RBM45: variants seen among roughly 807,000 people sequenced by gnomAD.
The protein encoded by RBM45 is RNA binding motif protein 45, also known as RNA-binding protein 45.
RBM45 carries 39 observed loss-of-function variants against 58.5 expected under a neutral mutation model. The ratio of observed to expected loss-of-function variants is 0.67; its 90% confidence interval spans 0.52 to 0.87. The LOEUF (loss-of-function observed/expected upper bound fraction) is 0.87. Ranked by LOEUF, RBM45 falls within the 40% of genes least tolerant of loss-of-function variation. The pLI, the probability that RBM45 is intolerant of heterozygous loss-of-function variation, is 0.00. For missense variants in RBM45, 481 were observed against 581.6 expected, an observed-to-expected ratio of 0.83 and a Z score of 1.78; for synonymous variants, 193 against 203.0, an observed-to-expected ratio of 0.95 and a Z score of 0.42.
chr2:178,125,387 G>A (rs2087915171), intron 8 of RBM45, among the ~76,000 whole-genome samples: 1 of 152,170 alleles, frequency 6.6e-6, no homozygotes, highest in Non-Finnish European at 1.5e-5. Context: ...TACAAAGGAG[G>A]AGCAGTTACC....
At chr2:178,132,885 G>A (rs547989141), downstream of RBM45, among the ~76,000 whole-genome samples, 1 of 152,298 alleles carries the variant, frequency 6.6e-6, no homozygotes, top group South Asian at 2.1e-4. Context: ...ACTGCACCCA[G>A]CCAAAACTGT....
intron 7 of RBM45, 34 bp downstream of exon 7, chr2:178,123,946 T>A (rs931535499): frequency 7.7e-6 from 12 of 1,552,894 alleles, no homozygotes; most frequent in Non-Finnish European, 7.1e-6. Context: ...TTATAATATA[T>A]CAATAGCATA....
intron 2 of RBM45, 58 bp from the exon 3 acceptor site, chr2:178,117,997 A>T (rs1270945173): frequency 2.1e-6 from 3 of 1,425,480 alleles, no homozygotes; most frequent in Non-Finnish European, 2.8e-6. Context: ...TTTAGTTCTG[A>T]AATACTCTGT....
intron 4 of RBM45, 97 bp downstream of exon 4, chr2:178,120,506 C>A: frequency 9.2e-7 from 1 of 1,083,154 alleles, no homozygotes; most frequent in Non-Finnish European, 1.3e-6. Flanking sequence ...CTATAAATTT[C>A]ACCTAGTGAA....
Position 178,120,190 on chromosome 2 carries a change from A to G in RBM45, c.551-97A>G, listed in dbSNP as rs2087830198. On this transcript the variant is annotated intron_variant, in intron 3 of 9. Coordinates refer to ENST00000286070, the MANE Select transcript of RBM45 (RefSeq NM_152945.4). Reference sequence around the variant, plus strand: ...CATTGTATAGATTTTGCTTTGTACAATTATATTTATAAAGCTGAGTCAGGC... The same window carrying G: ...CATTGTATAGATTTTGCTTTGTACAGTTATATTTATAAAGCTGAGTCAGGC... 5.3e-6 allele frequency: 8 copies of G among 1,514,336 alleles called. No homozygotes were observed. The South Asian group carries it at 8.3e-5, about 16-fold the overall frequency. 93.8% of individuals were successfully genotyped at this position (1,514,336 alleles called of 1,614,324 possible). A position where few individuals can be genotyped will look rare whatever the true frequency, so the allele number is the denominator to read the frequency against.
Position 178,129,540 on chromosome 2 carries a change from A to T in RBM45, c.*152A>T, listed in dbSNP as rs2087982519. On this transcript the variant is annotated 3_prime_UTR_variant, in exon 10 of 10. Coordinates refer to ENST00000286070, the MANE Select transcript of RBM45 (RefSeq NM_152945.4). ...GCATTGTTTTGTCTGGGAAGCAGGG[A>T]TTGCTGACATGTATTTTTGAATCCA... 2.0e-5 allele frequency: 3 copies of T among 152,482 alleles called. No individual in the cohort carries two copies. The highest frequency in any genetic ancestry group is 7.2e-5 in the African/African-American group (3 of 41,410). 9.4% of individuals were successfully genotyped at this position (152,482 alleles called of 1,614,324 possible).
chr2:178,119,177 T>C (rs1011741786), intron 3 of RBM45, among the ~76,000 whole-genome samples: 1 of 152,160 alleles, frequency 6.6e-6, no homozygotes. Flanking sequence ...TTTATTAAGC[T>C]CTCTATAAAA....
chr2:178,133,292 T>C (rs918319950), downstream of RBM45, among the ~76,000 whole-genome samples: 1 of 152,264 alleles, frequency 6.6e-6, no homozygotes, highest in Non-Finnish European at 1.5e-5. Context: ...AGTAATTGTT[T>C]ATGCCATTCA....
At chr2:178,116,110 C>A in intron 1 of RBM45, 152 bp from the exon 2 acceptor site, 2 of 896,732 alleles carry the variant, frequency 2.2e-6, no homozygotes, top group South Asian at 1.9e-5. Flanking sequence ...CATGATCACA[C>A]CACTGCACTG....
chr2:178,118,156 C>T lies in RBM45; in HGVS notation c.525C>T (p.Ala175=). 6.2e-7 allele frequency: 1 copy of T among 1,611,092 alleles called. No homozygotes were observed. Among genetic ancestry groups the T allele is most frequent in the Non-Finnish European group, 8.5e-7 (1 of 1,178,298 alleles). ...YVRYLKPSQA[A]QAIENCDRSF... Reference sequence around the variant, plus strand: ...GATACTTAAAACCATCACAAGCTGCCCAAGCAATAGAAAACTGTGATCGAA... The same window carrying T: ...GATACTTAAAACCATCACAAGCTGCTCAAGCAATAGAAAACTGTGATCGAA... The change falls in exon 3 of 10, where the codon GCC becomes GCT. Residue 175 remains alanine, a synonymous_variant. Transcript: ENST00000286070.
chr2:178,122,559 C>T (rs1268736343), intron 5 of RBM45, among the ~76,000 whole-genome samples: 1 of 152,106 alleles, frequency 6.6e-6, no homozygotes, highest in Admixed American at 6.6e-5. Flanking sequence ...TGTTCTCTGG[C>T]ACATTTGTTA....
At chr2:178,125,670 G>T (rs1188670556) in intron 8 of RBM45, 2 of 516,096 alleles carry the variant, frequency 3.9e-6, no homozygotes, top group African/African-American at 3.9e-5. Context: ...GACTTTTAGG[G>T]AGTAAATGAT....
chr2:178,130,426 G>A (rs1470463174), downstream of RBM45, among the ~76,000 whole-genome samples: 1 of 152,118 alleles, frequency 6.6e-6, no homozygotes, highest in Non-Finnish European at 1.5e-5. Flanking sequence ...TCAGAAAGCT[G>A]AAGCGGAAGG....
chr2:178,138,264 C>T (rs1238575675), exon 4 of RBM45: 4 of 152,102 alleles, frequency 2.6e-5, no homozygotes, highest in African/African-American at 7.2e-5. Flanking sequence ...AAAGGATTCT[C>T]TGCAGCTTAA....
At chr2:178,138,956 G>C (rs1236462855) in exon 4 of RBM45, 3 of 150,718 alleles carry the variant, frequency 2.0e-5, no homozygotes, top group Non-Finnish European at 4.4e-5. Context: ...TTAAATGTAA[G>C]ATTAAGAATC....
At chr2:178,131,683 G>T (rs1000052194), downstream of RBM45, among the ~76,000 whole-genome samples, 2 of 152,154 alleles carry the variant, frequency 1.3e-5, no homozygotes, top group African/African-American at 4.8e-5. Context: ...AAAACACTTT[G>T]CTTTTTCAGT....
chr2:178,113,325 G>GTC (rs2087730410), intron 1 of RBM45, among the ~76,000 whole-genome samples: 1 of 133,058 alleles, frequency 7.5e-6, no homozygotes, highest in Non-Finnish European at 1.6e-5. Flanking sequence ...AACTGGGGAG[G>GTC]GACCTCTGGT....
intron 9 of RBM45, among the ~76,000 whole-genome samples, chr2:178,128,529 A>G (rs1184835802): frequency 6.6e-6 from 1 of 152,228 alleles, no homozygotes; most frequent in African/African-American, 2.4e-5. Context: ...TACTGTGAGA[A>G]CTAAGCTTTA....
chr2:178,117,639 C>T (rs2087794088), intron 2 of RBM45, among the ~76,000 whole-genome samples: 1 of 152,146 alleles, frequency 6.6e-6, no homozygotes, highest in Admixed American at 6.5e-5. Flanking sequence ...TCAGTTAACC[C>T]TTAAACAACC....
Sources: gnomAD v4.1 joint callset for allele counts (sites outside exome capture counted in the v4.1 genomes callset) on GRCh38, gnomAD v4.1.1 for gene constraint, MANE v1.5 for transcripts, NCBI Gene and HGNC (gene_info 2026-07-23, HGNC 2026-07-21) for gene names.